USP39: variants seen among roughly 807,000 people sequenced by gnomAD.
The protein encoded by USP39 is ubiquitin carboxyl-terminal hydrolase 39.
Under a neutral mutation model 66.4 loss-of-function variants are expected in USP39, and 38 were observed. The observed-to-expected ratio is 0.57, with a 90% CI of 0.44 to 0.75. The LOEUF is 0.75. Ranked by LOEUF, USP39 falls within the 30% of genes least tolerant of loss-of-function variation. The pLI is 0.00. For missense variants in USP39, 608 were observed against 714.4 expected (o/e 0.85, Z 1.70); for synonymous variants, 303 against 274.6 (o/e 1.10, Z -1.02).
intron 6 of USP39, 78 bp downstream of exon 6, chr2:85,631,024 T>A: frequency 1.4e-6 from 2 of 1,466,778 alleles, no homozygotes; most frequent in Non-Finnish European, 1.9e-6. Flanking sequence ...GCAGTGAATT[T>A]TTTTTTTTGA....
At chr2:85,648,086 G>A (rs1161061828) in intron 12 of USP39, 70 bp downstream of exon 12, 102 of 1,525,726 alleles carry the variant, frequency 6.7e-5, no homozygotes, top group Non-Finnish European at 3.2e-5. Flanking sequence ...AGTGGGCCAA[G>A]GCAGGAAGAG....
intron 8 of USP39, among the ~76,000 whole-genome samples, chr2:85,638,975 G>A (rs1301851675): frequency 1.3e-5 from 2 of 151,944 alleles, no homozygotes; most frequent in Admixed American, 6.6e-5. Context: ...CTTGGCCTCA[G>A]GGCTTTTTAG....
At position 85,636,110 on chromosome 2, in the gene USP39, G is replaced by T. The variant is rs1558867219; in HGVS notation, c.1007G>T (p.Gly336Val). 1.9e-6 allele frequency: 3 copies of T among 1,613,134 alleles called. No individual in the cohort carries two copies. Among genetic ancestry groups the T allele is most frequent in the Non-Finnish European group, 2.5e-6 (3 of 1,179,708 alleles). The change falls in exon 7 of 13, where the codon GGC (glycine) becomes GTC (valine). Residue 336 changes from glycine to valine, a missense_variant. This residue lies in a region of USP39 where 72 missense variants were observed against 60.1 expected (regional missense o/e 1.20). Transcript: ENST00000323701. Reference sequence around the variant, plus strand: ...AATGCTCTGCACTCAGCTCTGGGGGGCACAAAGAAGAAAAAGAAGAGTAAG... The same window carrying T: ...AATGCTCTGCACTCAGCTCTGGGGGTCACAAAGAAGAAAAAGAAGAGTAAG... Reference protein sequence around the residue: ...FLNALHSALGGTKKKKKTIVT... With the variant: ...FLNALHSALGVTKKKKKTIVT...
At chr2:85,604,882 C>T (rs1483859966) in intron 1 of USP39, among the ~76,000 whole-genome samples, 3 of 152,178 alleles carry the variant, frequency 2.0e-5, no homozygotes, top group Non-Finnish European at 2.9e-5. Flanking sequence ...GATGTGGGGG[C>T]AAGGCATAGT....
At chr2:85,635,922 G>A (rs1675730099) in intron 6 of USP39, 131 bp from the exon 7 acceptor site, 1 of 795,704 alleles carries the variant, frequency 1.3e-6, no homozygotes, top group Non-Finnish European at 2.2e-6. Flanking sequence ...AGAGGAGGAT[G>A]CACGGCAGTT....
intron 6 of USP39, among the ~76,000 whole-genome samples, chr2:85,632,448 CT>C (rs59457171): frequency 1.5e-3 from 208 of 135,960 alleles, no homozygotes; most frequent in Admixed American, 1.6e-3. Context: ...TTTCAACTAT[CT>C]TTTTTTTTTT....
At chr2:85,616,172 T>C (rs955880228), upstream of USP39, 9 of 1,401,880 alleles carry the variant, frequency 6.4e-6, no homozygotes, top group East Asian at 2.5e-4. Context: ...GCGCCTGCGC[T>C]GGACGACTCG....
chr2:85,605,339 C>G (rs1673176500), intron 1 of USP39, among the ~76,000 whole-genome samples: 1 of 152,004 alleles, frequency 6.6e-6, no homozygotes, highest in African/African-American at 2.4e-5. Context: ...ATAATTTGTA[C>G]ACTACATTTT....
At chr2:85,615,666 C>T (rs1479919444), upstream of USP39, among the ~76,000 whole-genome samples, 3 of 151,808 alleles carry the variant, frequency 2.0e-5, no homozygotes, top group African/African-American at 7.3e-5. Context: ...GAGTTTCGCT[C>T]GTTGCCCAGG....
intron 10 of USP39, 148 bp from the exon 11 acceptor site, chr2:85,644,800 C>A: frequency 2.1e-6 from 2 of 954,864 alleles, no homozygotes; most frequent in Non-Finnish European, 3.0e-6. Context: ...AATTCCAACG[C>A]ACCTGGACCT....
upstream of USP39, chr2:85,616,151 G>C (rs1002824917): frequency 1.4e-6 from 2 of 1,397,480 alleles, no homozygotes; most frequent in Non-Finnish European, 9.3e-7. Context: ...CCGCGCGCTC[G>C]AGCGTGCTTG....
At chr2:85,621,859 A>G (rs1438153564) in intron 3 of USP39, among the ~76,000 whole-genome samples, 1 of 96,960 alleles carries the variant, frequency 1.0e-5, no homozygotes, top group Non-Finnish European at 1.9e-5. Flanking sequence ...TACTTTTTTA[A>G]AATTATTTTG....
chr2:85,641,684 T>C (rs894180991), intron 10 of USP39, among the ~76,000 whole-genome samples: 7 of 152,044 alleles, frequency 4.6e-5, no homozygotes, highest in African/African-American at 1.7e-4. Context: ...GCTGGATCGC[T>C]TGAGCTCAGG....
In USP39 at chr2:85,630,790, C is replaced by T. The variant is rs1017293838; in HGVS notation, c.793C>T (p.Pro265Ser). Residue 265 changes from proline (P) to serine (S), a missense_variant, in exon 6 of 13, where the codon CCT becomes TCT. This residue lies in a region of USP39 where 33 missense variants were observed against 21.7 expected (regional missense o/e 1.52). Coordinates refer to ENST00000323701, the MANE Select transcript of USP39 (RefSeq NM_006590.4). ...EEDNYKNIKR[P>S]PGDIMFLLVQ... ...AGACAATTATAAGAACATCAAACGT[C>T]CTCCAGGGGATATCATGTTCTTGTT... 36 of 1,614,188 alleles carry T rather than the reference C, an allele frequency of 2.2e-5. No homozygotes were observed. The highest frequency in any genetic ancestry group is 3.0e-5 in the Non-Finnish European group (35 of 1,180,040).
At chr2:85,610,562 A>C (rs1022690135), upstream of USP39, 11 of 152,278 alleles carry the variant, frequency 7.2e-5, no homozygotes, top group East Asian at 1.9e-4. Context: ...AAACAGACAG[A>C]AGCTTTCTTA....
At chr2:85,636,728 A>C (rs1675806143) in intron 7 of USP39, among the ~76,000 whole-genome samples, 2 of 151,910 alleles carry the variant, frequency 1.3e-5, no homozygotes, top group South Asian at 4.2e-4. Flanking sequence ...CTGGTCTCAA[A>C]CTCCTGACCT....
intron 6 of USP39, among the ~76,000 whole-genome samples, chr2:85,633,831 CTTTTTTTTT>C (rs35970499): frequency 8.9e-5 from 7 of 78,996 alleles, no homozygotes; most frequent in Admixed American, 3.3e-4. Flanking sequence ...CGAGTAGTGG[CTTTTTTTTT>C]TTTTTTTTTT....
At chr2:85,621,742 C>T (rs910748155) in intron 3 of USP39, among the ~76,000 whole-genome samples, 163 bp downstream of exon 3, 1 of 151,986 alleles carries the variant, frequency 6.6e-6, no homozygotes, top group Non-Finnish European at 1.5e-5. Flanking sequence ...TCTGACTGGT[C>T]AGAACCTGGA....
At chr2:85,619,514 A>G (rs1382869997) in intron 2 of USP39, among the ~76,000 whole-genome samples, 1 of 151,066 alleles carries the variant, frequency 6.6e-6, no homozygotes, top group South Asian at 2.1e-4. Context: ...AACAGGATGC[A>G]TAGTATCCTA....
Sources: gnomAD v4.1 joint callset for allele counts (sites outside exome capture counted in the v4.1 genomes callset) on GRCh38, gnomAD v4.1.1 for gene constraint, gnomAD v4.1.1 regional missense constraint, MANE v1.5 for transcripts, NCBI Gene and HGNC (gene_info 2026-07-23, HGNC 2026-07-21) for gene names.